Variants in AXDND1 observed in about 807,000 individuals in gnomAD.
The protein encoded by AXDND1 is axonemal dynein light chain domain-containing protein 1.
A neutral mutation model predicts 137.5 loss-of-function variants in AXDND1; 110 were observed. The observed-to-expected ratio is 0.80, with a 90% CI of 0.69 to 0.94. The LOEUF (loss-of-function observed/expected upper bound fraction) is 0.94, where lower values mean the gene tolerates loss of function less well. AXDND1 is among the 40% of genes least tolerant of loss of function. The pLI is 0.00. For synonymous variants in AXDND1, 414 were observed against 399.7 expected, an observed-to-expected ratio of 1.04 and a Z score of -0.43; for missense variants, 1,191 against 1,169.8, an observed-to-expected ratio of 1.02 and a Z score of -0.26.
At chr1:179,418,478 A>G (rs1464534071) in intron 12 of AXDND1, among the ~76,000 whole-genome samples, 1 of 152,196 alleles carries the variant, frequency 6.6e-6, no homozygotes, top group African/African-American at 2.4e-5. Context: ...CATTGTCATC[A>G]TGGCCCATTC....
At chr1:179,448,389 C>G (rs12738929) in intron 16 of AXDND1, 191,873 of 644,016 alleles carry the variant, frequency 0.3, 30,296 homozygotes, top group Non-Finnish European at 0.32. Context: ...AAAGTGGCCT[C>G]TCAGTTCCTT....
chr1:179,535,122 AT>A, intron 25 of AXDND1, 160 bp downstream of exon 25: 1 of 1,089,116 alleles, frequency 9.2e-7, no homozygotes. Flanking sequence ...TAACCATCTT[AT>A]TCGGACAACT....
chr1:179,538,031 C>T (rs550767751), intron 25 of AXDND1, among the ~76,000 whole-genome samples: 18 of 152,046 alleles, frequency 1.2e-4, no homozygotes, highest in African/African-American at 2.4e-4. Flanking sequence ...GTGGGATCAG[C>T]GGTGATATCC....
chr1:179,387,524 G>T (rs1483021668), intron 9 of AXDND1, among the ~76,000 whole-genome samples: 1 of 152,200 alleles, frequency 6.6e-6, no homozygotes, highest in African/African-American at 2.4e-5. Flanking sequence ...GTTATGAGGG[G>T]AGAAACATTT....
intron 11 of AXDND1, among the ~76,000 whole-genome samples, chr1:179,398,107 A>G (rs1651350652): frequency 6.6e-6 from 1 of 151,928 alleles, no homozygotes; most frequent in African/African-American, 2.4e-5. Context: ...TTTTTTTCTC[A>G]TATTTGTGGG....
At chr1:179,518,682 C>G (rs1446076323) in intron 21 of AXDND1, among the ~76,000 whole-genome samples, 1 of 152,104 alleles carries the variant, frequency 6.6e-6, no homozygotes, top group Non-Finnish European at 1.5e-5. Flanking sequence ...GAATAATGGC[C>G]TCTAGCTCCA....
chr1:179,466,282 CTTCTT>C (rs1325667063), intron 16 of AXDND1, among the ~76,000 whole-genome samples: 15 of 95,648 alleles, frequency 1.6e-4, no homozygotes, highest in African/African-American at 5.7e-4. Flanking sequence ...TCTTCTTCTT[CTTCTT>C]TTTTTTTTTT....
At chr1:179,503,536 T>A (rs945370511) in intron 20 of AXDND1, among the ~76,000 whole-genome samples, 1 of 151,852 alleles carries the variant, frequency 6.6e-6, no homozygotes, top group Non-Finnish European at 1.5e-5. Flanking sequence ...GACTTTTTTT[T>A]AATTTTTATT....
At chr1:179,415,377 G>T (rs1051362469) in intron 12 of AXDND1, among the ~76,000 whole-genome samples, 1 of 151,832 alleles carries the variant, frequency 6.6e-6, no homozygotes, top group Non-Finnish European at 1.5e-5. Context: ...TTTAGATCCC[G>T]ACCTCATTAA....
chr1:179,403,261 T>C (rs1408274566), intron 11 of AXDND1, among the ~76,000 whole-genome samples: 1 of 152,234 alleles, frequency 6.6e-6, no homozygotes, highest in Non-Finnish European at 1.5e-5. Flanking sequence ...TCATTGATAT[T>C]GTACATTTAC....
At chr1:179,461,983 A>G (rs184891452) in intron 16 of AXDND1, among the ~76,000 whole-genome samples, 1,920 of 152,306 alleles carry the variant, frequency 0.013, 19 homozygotes, top group South Asian at 0.027. Context: ...CAATCATGTC[A>G]TCTGCAAACA....
chr1:179,553,222 G>A (rs970408420), intron 25 of AXDND1, among the ~76,000 whole-genome samples: 14 of 152,234 alleles, frequency 9.2e-5, no homozygotes, highest in African/African-American at 7.2e-5. Flanking sequence ...AGTTAAATAC[G>A]GAGTTACCAT....
At chr1:179,401,957 A>G (rs780231142) in intron 11 of AXDND1, among the ~76,000 whole-genome samples, 81 of 152,236 alleles carry the variant, frequency 5.3e-4, no homozygotes, top group Admixed American at 9.2e-4. Flanking sequence ...GCGGATCACG[A>G]GGTTAAGAGA....
intron 16 of AXDND1, chr1:179,457,416 T>C (rs879717003): frequency 1.8e-5 from 6 of 341,836 alleles, no homozygotes; most frequent in East Asian, 1.7e-4. Context: ...TAAATTTCCA[T>C]TGTGGTTTGT....
At chr1:179,478,310 C>T (rs188371813) in intron 17 of AXDND1, among the ~76,000 whole-genome samples, 8 of 152,352 alleles carry the variant, frequency 5.3e-5, no homozygotes, top group Admixed American at 5.2e-4. Flanking sequence ...CAGACGTTCT[C>T]CATTAGCACC....
intron 25 of AXDND1, among the ~76,000 whole-genome samples, chr1:179,540,546 C>T (rs1672028009): frequency 6.6e-6 from 1 of 152,188 alleles, no homozygotes; most frequent in South Asian, 2.1e-4. Context: ...AATATTGCTG[C>T]CCAATCCTTC....
chr1:179,400,762 G>C (rs1194038873), intron 11 of AXDND1, among the ~76,000 whole-genome samples: 2 of 150,594 alleles, frequency 1.3e-5, no homozygotes, highest in Non-Finnish European at 3.0e-5. Context: ...AAAATTAGCC[G>C]GGCATGGTGG....
chr1:179,435,243 A>G (rs189222877), intron 15 of AXDND1, among the ~76,000 whole-genome samples: 1 of 152,336 alleles, frequency 6.6e-6, no homozygotes, highest in East Asian at 1.9e-4. Context: ...GGAAAAATCA[A>G]TATTGCGAAA....
At chr1:179,524,878 A>C (rs1670391304) in intron 21 of AXDND1, among the ~76,000 whole-genome samples, 1 of 152,038 alleles carries the variant, frequency 6.6e-6, no homozygotes, top group Non-Finnish European at 1.5e-5. Flanking sequence ...AGAGCCAATC[A>C]TCTCCCTGGC....
Sources: gnomAD v4.1 joint callset for allele counts (sites outside exome capture counted in the v4.1 genomes callset) on GRCh38, gnomAD v4.1.1 for gene constraint, MANE v1.5 for transcripts, NCBI Gene and HGNC (gene_info 2026-07-23, HGNC 2026-07-21) for gene names.